The following ELMO1 variants were observed in gnomAD, a reference collection of about 807,000 sequenced individuals.
ELMO1 encodes the protein engulfment and cell motility 1.
In ELMO1, 26 loss-of-function variants were observed where a neutral mutation model predicts 98.9. The observed-to-expected ratio is 0.26, with a 90% CI of 0.19 to 0.36. The LOEUF (loss-of-function observed/expected upper bound fraction) is 0.36, where lower values mean the gene tolerates loss of function less well. Among genes scored for constraint, ELMO1 ranks in the 10% least tolerant of loss-of-function variants. ELMO1 has a pLI of 1.00. For synonymous variants in ELMO1, 346 were observed against 346.0 expected (o/e 1.00, Z 0.00); for missense variants, 627 against 935.2 (o/e 0.67, Z 4.30).
chr7:37,164,531 G>GA (rs1789497129), intron 13 of ELMO1, among the ~76,000 whole-genome samples: 1 of 152,130 alleles, frequency 6.6e-6, no homozygotes, highest in African/African-American at 2.4e-5. Flanking sequence ...GTAAGGAAGG[G>GA]ATCCAGTTTC....
intron 15 of ELMO1, among the ~76,000 whole-genome samples, chr7:37,035,232 A>G (rs1455841641): frequency 6.6e-6 from 1 of 152,206 alleles, no homozygotes; most frequent in Non-Finnish European, 1.5e-5. Flanking sequence ...TTCTCCTATT[A>G]GCTAGACAAT....
chr7:37,169,801 C>A (rs1355093215), intron 13 of ELMO1, among the ~76,000 whole-genome samples: 1 of 152,202 alleles, frequency 6.6e-6, no homozygotes, highest in Non-Finnish European at 1.5e-5. Flanking sequence ...TTTGACTTGG[C>A]ATTTTGGCTT....
intron 13 of ELMO1, among the ~76,000 whole-genome samples, chr7:37,208,177 A>G (rs1004554231): frequency 6.6e-6 from 1 of 152,240 alleles, no homozygotes; most frequent in East Asian, 1.9e-4. Context: ...GGCTGAGTGC[A>G]CCTTGGTTCC....
chr7:37,095,950 C>T (rs932074197), intron 15 of ELMO1, among the ~76,000 whole-genome samples: 7 of 152,126 alleles, frequency 4.6e-5, no homozygotes, highest in East Asian at 1.9e-4. Flanking sequence ...GGTTCAACAT[C>T]GACAATGATA....
intron 14 of ELMO1, among the ~76,000 whole-genome samples, chr7:37,103,845 T>A (rs766873189): frequency 1.5e-4 from 22 of 148,362 alleles, no homozygotes; most frequent in Non-Finnish European, 2.8e-4. Flanking sequence ...GAATACAAAA[T>A]ATATATATAT....
At chr7:37,119,057 C>A (rs1269342597) in intron 14 of ELMO1, among the ~76,000 whole-genome samples, 1 of 152,168 alleles carries the variant, frequency 6.6e-6, no homozygotes, top group Non-Finnish European at 1.5e-5. Context: ...GTTTCCTCGT[C>A]TGTAAAATGC....
intron 1 of ELMO1, among the ~76,000 whole-genome samples, chr7:37,402,707 G>A (rs1252819276): frequency 3.9e-5 from 6 of 152,174 alleles, no homozygotes; most frequent in Admixed American, 3.3e-4. Flanking sequence ...GACACTGTTA[G>A]TCTGTATCTC....
intron 15 of ELMO1, among the ~76,000 whole-genome samples, chr7:37,087,121 A>G (rs1269295984): frequency 6.6e-6 from 1 of 151,774 alleles, no homozygotes; most frequent in African/African-American, 2.4e-5. Context: ...TTTTTTTTCC[A>G]TTTTATAATT....
At chr7:36,942,636 A>G (rs1390653794) in intron 16 of ELMO1, among the ~76,000 whole-genome samples, 1 of 152,206 alleles carries the variant, frequency 6.6e-6, no homozygotes, top group African/African-American at 2.4e-5. Context: ...GAGGGAATAA[A>G]TCTGGACAAA....
chr7:37,099,677 T>C (rs1024769696), intron 14 of ELMO1, among the ~76,000 whole-genome samples: 14 of 152,218 alleles, frequency 9.2e-5, no homozygotes, highest in African/African-American at 3.1e-4. Context: ...TGCTTCATCG[T>C]TTACAGAGTA....
chr7:37,353,919 T>C (rs1440441204), intron 1 of ELMO1, among the ~76,000 whole-genome samples: 1 of 152,218 alleles, frequency 6.6e-6, no homozygotes, highest in African/African-American at 2.4e-5. Flanking sequence ...CCTGTCTTTG[T>C]TCAGAATGTT....
intron 1 of ELMO1, among the ~76,000 whole-genome samples, chr7:37,378,466 C>T (rs192876741): frequency 6.6e-4 from 101 of 151,998 alleles, no homozygotes; most frequent in Non-Finnish European, 1.0e-3. Flanking sequence ...AAAACTGATA[C>T]GAAAATAGAA....
chr7:37,255,535 T>C (rs1795592489), intron 6 of ELMO1, among the ~76,000 whole-genome samples: 2 of 152,216 alleles, frequency 1.3e-5, no homozygotes, highest in African/African-American at 4.8e-5. Flanking sequence ...TCGAAGTCTG[T>C]AACTGCCGGC....
At chr7:36,869,463 C>A in intron 20 of ELMO1, among the ~76,000 whole-genome samples, 1 of 152,134 alleles carries the variant, frequency 6.6e-6, no homozygotes. Context: ...TTTATTTTAA[C>A]GCTGATTGGT....
chr7:37,128,872 C>A (rs1786707363), intron 14 of ELMO1, among the ~76,000 whole-genome samples: 1 of 152,052 alleles, frequency 6.6e-6, no homozygotes, highest in African/African-American at 2.4e-5. Flanking sequence ...CATTTACAAT[C>A]AATTAGGGGA....
intron 21 of ELMO1, among the ~76,000 whole-genome samples, chr7:36,859,153 C>T (rs1004035469): frequency 3.9e-5 from 6 of 152,082 alleles, no homozygotes; most frequent in Non-Finnish European, 8.8e-5. Flanking sequence ...GGAAACATGT[C>T]AACCAACTGC....
At chr7:36,972,163 T>A (rs1016090552) in intron 16 of ELMO1, among the ~76,000 whole-genome samples, 41 of 152,310 alleles carry the variant, frequency 2.7e-4, no homozygotes, top group African/African-American at 9.6e-4. Flanking sequence ...GGTATTATTA[T>A]TCTATTTTAC....
chr7:37,173,463 T>C (rs566648800), intron 13 of ELMO1, among the ~76,000 whole-genome samples: 3 of 152,358 alleles, frequency 2.0e-5, no homozygotes, highest in South Asian at 2.1e-4. Context: ...GGATTATACA[T>C]TGGACCTATT....
intron 1 of ELMO1, among the ~76,000 whole-genome samples, chr7:37,385,244 C>A (rs951093816): frequency 6.6e-6 from 1 of 152,198 alleles, no homozygotes; most frequent in African/African-American, 2.4e-5. Flanking sequence ...TTCGAAGGCA[C>A]CCTATCACGT....
Sources: gnomAD v4.1 joint callset for allele counts (sites outside exome capture counted in the v4.1 genomes callset) on GRCh38, gnomAD v4.1.1 for gene constraint, MANE v1.5 for transcripts, NCBI Gene and HGNC (gene_info 2026-07-23, HGNC 2026-07-21) for gene names.